PSMB7: variants seen among roughly 807,000 people sequenced by gnomAD.
PSMB7 encodes proteasome 20S subunit beta 7.
A neutral mutation model predicts 28.1 loss-of-function variants in PSMB7; 5 were observed. The observed-to-expected ratio is 0.18, with a 90% CI of 0.09 to 0.37. The LOEUF (loss-of-function observed/expected upper bound fraction) is 0.37, where lower values mean the gene tolerates loss of function less well. PSMB7 is among the 10% of genes least tolerant of loss of function. The pLI is 1.00. For missense variants in PSMB7, 275 were observed against 346.2 expected, an observed-to-expected ratio of 0.79 and a Z score of 1.63; for synonymous variants, 122 against 123.7, an observed-to-expected ratio of 0.99 and a Z score of 0.09.
At chr9:124,398,552 T>C (rs1264263842) in intron 5 of PSMB7, 4 of 228,532 alleles carry the variant, frequency 1.8e-5, no homozygotes, top group Admixed American at 6.1e-5. Context: ...TGCATATATA[T>C]AGTTTAATTT....
At chr9:124,401,047 GT>G (rs1364058441) in intron 5 of PSMB7, among the ~76,000 whole-genome samples, 1 of 151,908 alleles carries the variant, frequency 6.6e-6, no homozygotes, top group Non-Finnish European at 1.5e-5. Flanking sequence ...TCATTTGTGT[GT>G]TTTTTTTAAA....
At chr9:124,403,572 G>C (rs1257225491) in intron 5 of PSMB7, among the ~76,000 whole-genome samples, 2 of 152,154 alleles carry the variant, frequency 1.3e-5, no homozygotes, top group African/African-American at 4.8e-5. Flanking sequence ...AATGCAAAAA[G>C]CTGGTTAGCA....
intron 5 of PSMB7, among the ~76,000 whole-genome samples, chr9:124,388,671 G>C (rs1444516602): frequency 1.3e-5 from 2 of 152,138 alleles, no homozygotes; most frequent in Non-Finnish European, 2.9e-5. Context: ...TCCATGACCA[G>C]GTTTCTACCT....
chr9:124,378,320 T>C (rs1190660490), intron 6 of PSMB7, among the ~76,000 whole-genome samples: 1 of 152,250 alleles, frequency 6.6e-6, no homozygotes, highest in Non-Finnish European at 1.5e-5. Context: ...TTTTTAACTG[T>C]GCTCACACGA....
intron 6 of PSMB7, among the ~76,000 whole-genome samples, chr9:124,378,266 A>G (rs2131156441): frequency 6.6e-6 from 1 of 152,384 alleles, no homozygotes; most frequent in Non-Finnish European, 1.5e-5. Flanking sequence ...CAAATGCATA[A>G]CAGAATGAAA....
chr9:124,396,025 G>A (rs750168887), intron 5 of PSMB7, among the ~76,000 whole-genome samples: 4 of 152,186 alleles, frequency 2.6e-5, no homozygotes, highest in Non-Finnish European at 5.9e-5. Flanking sequence ...CAACCACATG[G>A]CTGACCCCAG....
chr9:124,394,044 C>G (rs1256556284), intron 5 of PSMB7, among the ~76,000 whole-genome samples: 2 of 152,202 alleles, frequency 1.3e-5, no homozygotes, highest in African/African-American at 4.8e-5. Context: ...CTTAAAGGTC[C>G]CCTTTACTCA....
chr9:124,407,379 A>C (rs945808031), intron 4 of PSMB7, among the ~76,000 whole-genome samples: 2 of 152,160 alleles, frequency 1.3e-5, no homozygotes, highest in Non-Finnish European at 2.9e-5. Flanking sequence ...TAAAAAGAGA[A>C]TAGAGCCCCA....
At chr9:124,405,542 T>C in intron 4 of PSMB7, 110 bp from the exon 5 acceptor site, 1 of 686,710 alleles carries the variant, frequency 1.5e-6, no homozygotes, top group Non-Finnish European at 2.6e-6. Context: ...TCCTTAAGAC[T>C]GTTTCATTAA....
At chr9:124,372,343 T>C (rs1830571560) in intron 6 of PSMB7, among the ~76,000 whole-genome samples, 1 of 152,190 alleles carries the variant, frequency 6.6e-6, no homozygotes, top group African/African-American at 2.4e-5. Flanking sequence ...CATGACAGAA[T>C]TTTCAGAAAT....
chr9:124,368,925 C>A (rs1171969320), intron 6 of PSMB7, among the ~76,000 whole-genome samples: 2 of 152,146 alleles, frequency 1.3e-5, no homozygotes, highest in African/African-American at 2.4e-5. Flanking sequence ...TCTTCAGAGC[C>A]CACGTGTGCA....
At chr9:124,409,398 T>C (rs1213251289) in intron 4 of PSMB7, among the ~76,000 whole-genome samples, 1 of 152,226 alleles carries the variant, frequency 6.6e-6, no homozygotes, top group African/African-American at 2.4e-5. Flanking sequence ...AGCATTTCAC[T>C]AACATTTTTA....
intron 5 of PSMB7, among the ~76,000 whole-genome samples, chr9:124,399,009 C>CAAAAAAAA (rs34386702): frequency 2.3e-5 from 3 of 129,300 alleles, no homozygotes; most frequent in Non-Finnish European, 4.9e-5. Context: ...AAGCTTTAAC[C>CAAAAAAAA]AAAAAAAAAA....
chr9:124,404,330 TC>T (rs1439502958), intron 5 of PSMB7, among the ~76,000 whole-genome samples: 1 of 152,352 alleles, frequency 6.6e-6, no homozygotes, highest in South Asian at 2.1e-4. Context: ...ATAGAGCATT[TC>T]CATATGAAGT....
intron 6 of PSMB7, among the ~76,000 whole-genome samples, chr9:124,365,714 G>T (rs558413450): frequency 1.3e-5 from 2 of 152,172 alleles, no homozygotes; most frequent in African/African-American, 2.4e-5. Flanking sequence ...TCAGAAGCTC[G>T]AGACCAGCCT....
At chr9:124,364,584 T>G (rs1830490451) in intron 6 of PSMB7, among the ~76,000 whole-genome samples, 1 of 147,618 alleles carries the variant, frequency 6.8e-6, no homozygotes, top group African/African-American at 2.5e-5. Flanking sequence ...TGCTCAACAA[T>G]CCTCAAAACG....
chr9:124,409,498 T>G (rs1831004108), intron 4 of PSMB7, among the ~76,000 whole-genome samples: 1 of 152,192 alleles, frequency 6.6e-6, no homozygotes, highest in Admixed American at 6.5e-5. Context: ...ATAAAGGCAG[T>G]GCTTAAGTAA....
At chr9:124,370,012 C>A (rs529584096) in intron 6 of PSMB7, among the ~76,000 whole-genome samples, 81 of 152,264 alleles carry the variant, frequency 5.3e-4, no homozygotes, top group African/African-American at 1.8e-3. Flanking sequence ...CAGGCACAGG[C>A]CTGATCAACA....
intron 5 of PSMB7, among the ~76,000 whole-genome samples, chr9:124,394,007 C>T (rs561112352): frequency 3.3e-5 from 5 of 152,212 alleles, no homozygotes; most frequent in African/African-American, 1.2e-4. Flanking sequence ...GCCGCAGGAA[C>T]GCAGGGCAGT....
Sources: allele counts gnomAD v4.1 joint callset (sites outside exome capture counted in the v4.1 genomes callset), GRCh38; gene constraint gnomAD v4.1.1; transcripts MANE v1.5; gene names NCBI Gene and HGNC (gene_info 2026-07-23, HGNC 2026-07-21).